Variants in VWA8 observed in about 807,000 individuals in gnomAD.
VWA8 encodes the protein von Willebrand factor A domain containing 8, also known as von Willebrand factor A domain-containing protein 8.
VWA8 carries 221 observed loss-of-function variants against 241.5 expected under a neutral mutation model. That is an observed-to-expected ratio of 0.91 (90% CI 0.82 to 1.02). VWA8 has a LOEUF of 1.02. VWA8 is among the 50% of genes least tolerant of loss of function. The probability of loss-of-function intolerance (pLI) is 0.00; values close to 1 mark genes in which losing one functional copy is unlikely to be tolerated. For missense variants in VWA8, 2,322 were observed against 2,328.7 expected (o/e 1.00, Z 0.06); for synonymous variants, 852 against 827.1 (o/e 1.03, Z -0.52).
At chr13:41,592,189 C>T (rs759137765) in intron 40 of VWA8, among the ~76,000 whole-genome samples, 40,477 of 138,352 alleles carry the variant, frequency 0.29, 5,418 homozygotes, top group Non-Finnish European at 0.36. Flanking sequence ...AATTGGAAAT[C>T]ATCATTCTCA....
intron 18 of VWA8, among the ~76,000 whole-genome samples, chr13:41,784,488 C>A (rs1869045028): frequency 6.6e-6 from 1 of 151,606 alleles, no homozygotes; most frequent in Admixed American, 6.6e-5. Flanking sequence ...CACAGAGAGA[C>A]CCTGTCTCTA....
intron 20 of VWA8, among the ~76,000 whole-genome samples, chr13:41,770,731 C>A (rs1230841785): frequency 6.6e-6 from 1 of 151,582 alleles, no homozygotes; most frequent in Non-Finnish European, 1.5e-5. Flanking sequence ...GAGAAGGCAT[C>A]CTGTATGAAA....
intron 14 of VWA8, among the ~76,000 whole-genome samples, chr13:41,826,536 A>G (rs1593797425): frequency 1.3e-5 from 2 of 152,174 alleles, no homozygotes; most frequent in African/African-American, 4.8e-5. Flanking sequence ...CCACAAGCCC[A>G]GATTAGAGTT....
At chr13:41,955,434 T>G (rs1002277215) in intron 1 of VWA8, among the ~76,000 whole-genome samples, 2 of 152,228 alleles carry the variant, frequency 1.3e-5, no homozygotes, top group African/African-American at 4.8e-5. Context: ...TGATAGCCCT[T>G]CTGGTGCACC....
chr13:41,948,916 G>A (rs191678782), intron 2 of VWA8, among the ~76,000 whole-genome samples: 55 of 149,250 alleles, frequency 3.7e-4, no homozygotes, highest in African/African-American at 1.3e-3. Flanking sequence ...CAGCAACATA[G>A]ATGAATCTCA....
At chr13:41,697,855 C>T (rs1387962053) in intron 29 of VWA8, among the ~76,000 whole-genome samples, 1 of 152,134 alleles carries the variant, frequency 6.6e-6, no homozygotes, top group Non-Finnish European at 1.5e-5. Flanking sequence ...CCTACTCCAA[C>T]CCACAGTGTA....
At chr13:41,705,893 C>A (rs1285029047) in intron 26 of VWA8, among the ~76,000 whole-genome samples, 1 of 152,046 alleles carries the variant, frequency 6.6e-6, no homozygotes, top group Non-Finnish European at 1.5e-5. Flanking sequence ...CAGAACAGAT[C>A]CCCTGATAGA....
intron 39 of VWA8, among the ~76,000 whole-genome samples, chr13:41,606,838 T>A (rs1037509821): frequency 1.3e-5 from 2 of 152,152 alleles, no homozygotes; most frequent in African/African-American, 4.8e-5. Context: ...GGTTTCAAGA[T>A]CTAGCTCAAA....
chr13:41,913,441 T>G (rs1014611366), intron 2 of VWA8, among the ~76,000 whole-genome samples: 2 of 152,226 alleles, frequency 1.3e-5, no homozygotes, highest in South Asian at 2.1e-4. Flanking sequence ...ATGTCTTTTG[T>G]ATGTAGCAAA....
Position 41,830,638 on chromosome 13 carries a change from T to C in VWA8, c.1591A>G (p.Ile531Val). The change falls in exon 14 of 45, where the codon ATC (isoleucine) becomes GTC (valine). Residue 531 changes from isoleucine (I) to valine (V), a missense_variant. By Grantham distance (29) the Ile-to-Val change is conservative. Coordinates refer to ENST00000379310, the MANE Select transcript of VWA8 (RefSeq NM_015058.2). ...TAGAGGCTTAGCTCTCGATCATGGA[T>C]TAACCTAACAAGATAAGAAAAAAGC... Reference protein sequence around the residue: ...AGTLAVLQRLIHDRELSLYDG... With the variant: ...AGTLAVLQRLVHDRELSLYDG... 6.2e-7 allele frequency: 1 copy of C among 1,612,784 alleles called. No homozygotes were observed. The highest frequency in any genetic ancestry group is 8.5e-7 in the Non-Finnish European group (1 of 1,179,264).
intron 40 of VWA8, among the ~76,000 whole-genome samples, chr13:41,601,370 G>A (rs1300242238): frequency 6.6e-6 from 1 of 152,078 alleles, no homozygotes; most frequent in Non-Finnish European, 1.5e-5. Flanking sequence ...CACAATCAGT[G>A]TTCAAAGCAC....
At chr13:41,893,381 A>T (rs1463056447) in intron 4 of VWA8, among the ~76,000 whole-genome samples, 1 of 152,156 alleles carries the variant, frequency 6.6e-6, no homozygotes, top group Non-Finnish European at 1.5e-5. Context: ...TCATTTCATG[A>T]ATAATCCCTC....
At chr13:41,783,389 T>C (rs1299256001) in intron 19 of VWA8, among the ~76,000 whole-genome samples, 3 of 151,892 alleles carry the variant, frequency 2.0e-5, no homozygotes, top group South Asian at 2.1e-4. Context: ...CCTGTAATAC[T>C]AGCACTTTGG....
intron 42 of VWA8, among the ~76,000 whole-genome samples, chr13:41,583,111 T>C (rs1393077493): frequency 6.6e-6 from 1 of 152,120 alleles, no homozygotes; most frequent in Admixed American, 6.6e-5. Context: ...GAAATAACTC[T>C]TACAGAATGT....
At chr13:41,813,428 C>T (rs1405246005) in intron 16 of VWA8, among the ~76,000 whole-genome samples, 1 of 152,072 alleles carries the variant, frequency 6.6e-6, no homozygotes, top group African/African-American at 2.4e-5. Flanking sequence ...TGACTGATAT[C>T]AAAAGTCAAA....
chr13:41,621,541 C>T lies in VWA8; in HGVS notation c.4612-6457G>A, dbSNP rs184865041. ...ACTTTGTGGGGCATGTGTGTGTATT[C>T]TGGTACACTATTTAAAAATAAATTT... is the stretch of plus-strand genomic sequence containing the variant. On this transcript the variant is annotated intron_variant, in intron 37 of 44. Transcript: ENST00000379310. Among the ~76,000 whole-genome samples, 348 of 152,288 alleles carry T rather than the reference C, an allele frequency of 2.3e-3. 2 individuals carry two copies. The highest frequency in any genetic ancestry group is 8.0e-3 in the African/African-American group (332 of 41,576).
chr13:41,727,781 C>T (rs112527182), intron 23 of VWA8, among the ~76,000 whole-genome samples: 37 of 152,236 alleles, frequency 2.4e-4, no homozygotes, highest in South Asian at 8.3e-4. Flanking sequence ...GTTTAGATCA[C>T]GCACCCTGAA....
rs1333392031 is a variant in VWA8 at position 41,929,836 on chromosome 13, T to C, written c.242-17668A>G. 3.2e-4 allele frequency among the ~76,000 whole-genome samples: 48 copies of C among 152,204 alleles called. 1 individual carries two copies. Among genetic ancestry groups the C allele is most frequent in the Admixed American group, 3.1e-3 (48 of 15,290 alleles). The stretch of plus-strand genomic sequence containing the variant: ...TTGGCCTTGGCAATGATTTCTTTTT[T>C]ATTATCTCAACCAAAAGCTCAAACT... On this transcript the variant is annotated intron_variant, in intron 2 of 44. Coordinates refer to ENST00000379310, the MANE Select transcript of VWA8 (RefSeq NM_015058.2).
At chr13:41,880,851 G>A (rs1404202466) in intron 9 of VWA8, among the ~76,000 whole-genome samples, 3 of 152,168 alleles carry the variant, frequency 2.0e-5, no homozygotes, top group Non-Finnish European at 4.4e-5. Flanking sequence ...AGTCAACTGA[G>A]TCTTTTGGAG....
Sources: allele counts gnomAD v4.1 joint callset (sites outside exome capture counted in the v4.1 genomes callset), GRCh38; gene constraint gnomAD v4.1.1; transcripts MANE v1.5; gene names NCBI Gene and HGNC (gene_info 2026-07-23, HGNC 2026-07-21).